Variants in TBC1D5 observed in about 807,000 individuals in gnomAD.
TBC1D5 encodes TBC1 domain family, member 5.
TBC1D5 carries 75 observed loss-of-function variants against 100.3 expected under a neutral mutation model. The ratio of observed to expected loss-of-function variants is 0.75; its 90% CI spans 0.62 to 0.91. The LOEUF (loss-of-function observed/expected upper bound fraction) is 0.91, where lower values mean the gene tolerates loss of function less well. Among genes scored for constraint, TBC1D5 ranks in the 40% least tolerant of loss-of-function variants. The pLI, the probability that TBC1D5 is intolerant of heterozygous loss-of-function variation, is 0.00. For synonymous variants in TBC1D5, 323 were observed against 325.6 expected (o/e 0.99, Z 0.09); for missense variants, 910 against 942.4 (o/e 0.97, Z 0.45).
intron 2 of TBC1D5, among the ~76,000 whole-genome samples, chr3:17,565,179 A>G (rs1200481167): frequency 6.6e-6 from 1 of 152,152 alleles, no homozygotes; most frequent in Non-Finnish European, 1.5e-5. Flanking sequence ...CATTGATTGT[A>G]TATCACTAGG....
At chr3:17,345,881 G>T (rs934255360) in intron 13 of TBC1D5, among the ~76,000 whole-genome samples, 7 of 151,840 alleles carry the variant, frequency 4.6e-5, no homozygotes, top group African/African-American at 9.7e-5. Flanking sequence ...AGAACACATG[G>T]ACACAGGAAG....
intron 13 of TBC1D5, among the ~76,000 whole-genome samples, chr3:17,322,945 T>A (rs1290807139): frequency 6.6e-6 from 1 of 152,140 alleles, no homozygotes; most frequent in African/African-American, 2.4e-5. Flanking sequence ...AGCAGCAGGG[T>A]TAAATTGGCC....
intron 13 of TBC1D5, among the ~76,000 whole-genome samples, chr3:17,346,454 CTATT>C (rs775703039): frequency 1.1e-3 from 163 of 152,102 alleles, no homozygotes; most frequent in Middle Eastern, 3.4e-3. Flanking sequence ...AATCCTTTTC[CTATT>C]TATTTGTAAG....
chr3:17,584,849 G>A (rs137948604), intron 2 of TBC1D5, among the ~76,000 whole-genome samples: 1 of 152,124 alleles, frequency 6.6e-6, no homozygotes, highest in Non-Finnish European at 1.5e-5. Flanking sequence ...GTAGAGACAG[G>A]GTTTCGCCAT....
At chr3:17,528,781 T>A (rs941413561) in intron 2 of TBC1D5, among the ~76,000 whole-genome samples, 44 of 152,188 alleles carry the variant, frequency 2.9e-4, no homozygotes, top group African/African-American at 9.9e-4. Context: ...AGTTACTCAG[T>A]CCATTTTGAT....
intron 16 of TBC1D5, among the ~76,000 whole-genome samples, chr3:17,254,288 A>G (rs977834284): frequency 6.6e-6 from 1 of 152,262 alleles, no homozygotes; most frequent in African/African-American, 2.4e-5. Flanking sequence ...AGAAATTACC[A>G]AACTATTTTA....
At position 17,296,232 on chromosome 3, in the gene TBC1D5, C is replaced by A. The variant is rs187846528; in HGVS notation, c.1139-4231G>T. ...TAAAATGAGCTAACAAAAAAGAAAACCTTCTTTCTTTTAAAAAAGGAAAAA... is the reference window on the plus strand; with the variant it reads ...TAAAATGAGCTAACAAAAAAGAAAAACTTCTTTCTTTTAAAAAAGGAAAAA... On this transcript the variant is annotated intron_variant, in intron 14 of 21. Transcript: ENST00000253692. Among the ~76,000 whole-genome samples the A allele has an allele frequency of 4.5e-4, 68 of 152,164 alleles. No homozygotes were observed. In the East Asian group the frequency reaches 0.013, roughly 29 times the overall value.
intron 2 of TBC1D5, among the ~76,000 whole-genome samples, chr3:17,541,165 T>C (rs1164918914): frequency 2.0e-5 from 3 of 150,082 alleles, no homozygotes; most frequent in Non-Finnish European, 4.4e-5. Flanking sequence ...AGTTTCCATA[T>C]GAATTTAAGG....
At chr3:17,203,642 G>A (rs146040025) in intron 18 of TBC1D5, among the ~76,000 whole-genome samples, 26 of 152,220 alleles carry the variant, frequency 1.7e-4, no homozygotes, top group African/African-American at 5.3e-4. Context: ...TGCTATTCTC[G>A]TTATAGTGAG....
intron 2 of TBC1D5, among the ~76,000 whole-genome samples, chr3:17,520,640 A>C (rs573534743): frequency 4.2e-4 from 64 of 152,244 alleles, no homozygotes; most frequent in African/African-American, 1.4e-3. Flanking sequence ...GGGGCCCAAA[A>C]TTTAGTTAAG....
intron 19 of TBC1D5, among the ~76,000 whole-genome samples, chr3:17,168,601 G>T (rs555425623): frequency 6.6e-6 from 1 of 152,190 alleles, no homozygotes; most frequent in Non-Finnish European, 1.5e-5. Context: ...CAGGATTCTC[G>T]CAAGGGGCCG....
chr3:17,685,203 T>TAA, intron 1 of TBC1D5, among the ~76,000 whole-genome samples: 1 of 151,798 alleles, frequency 6.6e-6, no homozygotes, highest in South Asian at 2.1e-4. Flanking sequence ...GCCATAAATT[T>TAA]AAAAAAAATC....
chr3:17,700,156 C>T (rs200153725), intron 1 of TBC1D5: 1 of 135,670 alleles, frequency 7.4e-6, no homozygotes, highest in Admixed American at 7.4e-5. Flanking sequence ...AAATGACAGA[C>T]AAAAAAAAAA....
chr3:17,185,376 AT>A, intron 18 of TBC1D5, among the ~76,000 whole-genome samples, 168 bp from the exon 20 acceptor site: 1 of 152,370 alleles, frequency 6.6e-6, no homozygotes, highest in Admixed American at 6.5e-5. Flanking sequence ...CACCAACAAA[AT>A]AAAAAAAGGG....
chr3:17,442,919 AG>A (rs1316571245), intron 3 of TBC1D5, among the ~76,000 whole-genome samples: 1 of 151,722 alleles, frequency 6.6e-6, no homozygotes, highest in Non-Finnish European at 1.5e-5. Context: ...GTGGGAGGGG[AG>A]GAAGAGGAAG....
chr3:17,186,837 A>C (rs2069178328), intron 18 of TBC1D5, among the ~76,000 whole-genome samples: 1 of 152,104 alleles, frequency 6.6e-6, no homozygotes, highest in South Asian at 2.1e-4. Flanking sequence ...TACAAGCACT[A>C]ACCATGTTCT....
intron 17 of TBC1D5, among the ~76,000 whole-genome samples, chr3:17,214,642 A>C (rs931785337): frequency 6.6e-6 from 1 of 151,828 alleles, no homozygotes; most frequent in African/African-American, 2.4e-5. Context: ...AAAGAACTAA[A>C]AAAAAAAAAA....
intron 3 of TBC1D5, among the ~76,000 whole-genome samples, chr3:17,484,485 T>A (rs1421747279): frequency 6.7e-6 from 1 of 148,668 alleles, no homozygotes; most frequent in Non-Finnish European, 1.5e-5. Flanking sequence ...TGTGTGTGTG[T>A]GTGTTTGGGT....
intron 20 of TBC1D5, among the ~76,000 whole-genome samples, chr3:17,167,267 A>G (rs973613443): frequency 6.6e-6 from 1 of 152,112 alleles, no homozygotes; most frequent in East Asian, 1.9e-4. Flanking sequence ...AAGTGGCTCC[A>G]CCTGAGCTGG....
Sources: gnomAD v4.1 joint callset for allele counts (sites outside exome capture counted in the v4.1 genomes callset) on GRCh38, gnomAD v4.1.1 for gene constraint, MANE v1.5 for transcripts, NCBI Gene and HGNC (gene_info 2026-07-23, HGNC 2026-07-21) for gene names.